ETHE1: variants seen among roughly 807,000 people sequenced by gnomAD.
The protein encoded by ETHE1 is ETHE1 persulfide dioxygenase, also known as persulfide dioxygenase ETHE1, mitochondrial.
In ETHE1, 16 loss-of-function variants were observed where a neutral mutation model predicts 25.7. That is an observed-to-expected ratio of 0.62 (90% confidence interval 0.42 to 0.95). The LOEUF (loss-of-function observed/expected upper bound fraction) is 0.95, where lower values mean the gene tolerates loss of function less well. Among genes scored for constraint, ETHE1 ranks in the 40% least tolerant of loss-of-function variants. The pLI is 0.00. For synonymous variants in ETHE1, 139 were observed against 135.9 expected (o/e 1.02, Z -0.16); for missense variants, 300 against 333.6 (o/e 0.90, Z 0.79).
intron 3 of ETHE1, among the ~76,000 whole-genome samples, chr19:43,518,996 C>CTTT (rs1600005859): frequency 3.7e-5 from 3 of 81,104 alleles, no homozygotes; most frequent in African/African-American, 4.9e-5. Context: ...GAAATTTGTG[C>CTTT]TTGTTTTTTT....
rs552655567 is a variant in ETHE1 at position 43,510,380 on chromosome 19, G to A, written c.505+1057C>T. Among the ~76,000 whole-genome samples, 19 of 144,206 alleles carry A rather than the reference G, an allele frequency of 1.3e-4. No individual in the cohort carries two copies. In the East Asian group the frequency reaches 3.4e-3, roughly 26 times the overall value. The allele number at this position is 144,206 out of a possible 152,430, so 94.6% of individuals were successfully genotyped here. ...AGATGAAGTCTCACTCTGTCACCCAGGCTGGAGTGCAGTGGCGCAATCTTG... is the reference window on the plus strand; with the variant it reads ...AGATGAAGTCTCACTCTGTCACCCAAGCTGGAGTGCAGTGGCGCAATCTTG... On this transcript the variant is annotated intron_variant, in intron 4 of 6. Transcript: ENST00000292147.
At chr19:43,510,639 T>G (rs1184213483) in intron 4 of ETHE1, among the ~76,000 whole-genome samples, 2 of 11,900 alleles carry the variant, frequency 1.7e-4, no homozygotes, top group Non-Finnish European at 2.8e-4. Flanking sequence ...AGCCCTTTGT[T>G]TTTTTTTTTT....
rs544640119 is a variant in ETHE1, at chr19:43,516,631, T to C, written c.376-5065A>G. Among the ~76,000 whole-genome samples the C allele has an allele frequency of 6.1e-4, 89 of 144,750 alleles. 2 individuals carry two copies. Among genetic ancestry groups the C allele is most frequent in the African/African-American group, 2.1e-3 (84 of 39,220 alleles). 95.0% of individuals were successfully genotyped at this position (144,750 alleles called of 152,430 possible). A position where few individuals can be genotyped will look rare whatever the true frequency, so the allele number is the denominator to read the frequency against. On this transcript the variant is annotated intron_variant, in intron 3 of 6. Transcript: ENST00000292147. Reference sequence around the variant, plus strand: ...TTTTTCTTTCTTTTTTTCTTTTTTTTTTTTTTTTTTGAGATAGAGTCTCTC... The same window carrying C: ...TTTTTCTTTCTTTTTTTCTTTTTTTCTTTTTTTTTTGAGATAGAGTCTCTC...
chr19:43,526,182 G>A lies in ETHE1; in HGVS notation c.375+19C>T, dbSNP rs751243822. On this transcript the variant is annotated intron_variant, in intron 3 of 6. Transcript: ENST00000292147. ...AAGTCCAGGCCACCACCCTCTTGGGGACCCAGCACCCAACTCACGAAGCGC... is the reference window on the plus strand; with the variant it reads ...AAGTCCAGGCCACCACCCTCTTGGGAACCCAGCACCCAACTCACGAAGCGC... 1 of 1,613,956 alleles carries A rather than the reference G, an allele frequency of 6.2e-7. No individual in the cohort carries two copies. Among genetic ancestry groups the A allele is most frequent in the Non-Finnish European group, 8.5e-7 (1 of 1,180,014 alleles).
chr19:43,526,067 C>T (rs1467414479), intron 3 of ETHE1, 134 bp downstream of exon 3: 1 of 1,378,652 alleles, frequency 7.3e-7, no homozygotes, highest in African/African-American at 1.4e-5. Context: ...GAAATATGAG[C>T]TCAGGGGTCA....
chr19:43,512,051 C>A lies in ETHE1; in HGVS notation c.376-485G>T, dbSNP rs527901314. ...TGCTGCCATGTAAGACAGGTCTTTGCTCCTCCTTCGCCTTCCACCATGATT... is the reference window on the plus strand; with the variant it reads ...TGCTGCCATGTAAGACAGGTCTTTGATCCTCCTTCGCCTTCCACCATGATT... On this transcript the variant is annotated intron_variant, in intron 3 of 6. Transcript: ENST00000292147. Among the ~76,000 whole-genome samples the A allele has an allele frequency of 2.0e-5, 3 of 152,302 alleles. No homozygotes were observed. In the East Asian group the frequency reaches 5.8e-4, roughly 29 times the overall value.
intron 3 of ETHE1, 77 bp downstream of exon 3, chr19:43,526,124 A>C (rs1012104238): frequency 6.9e-6 from 11 of 1,605,404 alleles, no homozygotes; most frequent in Non-Finnish European, 9.4e-6. Context: ...TCAGGATCCC[A>C]GGCCCCCAGT....
Position 43,526,259 on chromosome 19 carries a change from C to A in ETHE1, c.317G>T (p.Ser106Ile). 7 of 1,614,210 alleles carry A rather than the reference C, an allele frequency of 4.3e-6. No individual in the cohort carries two copies. Among genetic ancestry groups the A allele is most frequent in the Non-Finnish European group, 5.9e-6 (7 of 1,180,044 alleles). The stretch of plus-strand genomic sequence containing the variant: ...AATGTGTAAGTCAGCCTGGGCCCCA[C>A]TAAGGCGGGAGATGACAGACTGGCA... ...PGCQSVISRL[S>I]GAQADLHIED... is the part of the protein sequence containing the mutation. Residue 106 changes from serine to isoleucine, a missense_variant, in exon 3 of 7, where the codon AGT (serine) becomes ATT (isoleucine). By Grantham distance (142) the Ser-to-Ile change is moderately radical (BLOSUM62 -2). Transcript: ENST00000292147.
rs2146018873 is a variant in ETHE1 at position 43,526,267 on chromosome 19, G to A, written c.309C>T (p.Ser103=). 6.2e-7 allele frequency: 1 copy of A among 1,614,180 alleles called. No individual in the cohort carries two copies. The highest frequency in any genetic ancestry group is 8.5e-7 in the Non-Finnish European group (1 of 1,180,038). The change falls in exon 3 of 7, where the codon TCC becomes TCT. Residue 103 remains serine, a synonymous_variant. Coordinates refer to ENST00000292147, the MANE Select transcript of ETHE1 (RefSeq NM_014297.5). The part of the protein sequence containing the change: ...SLLPGCQSVI[S]RLSGAQADLH... Reference sequence around the variant, plus strand: ...AGTCAGCCTGGGCCCCACTAAGGCGGGAGATGACAGACTGGCAGCCAGGGA... The same window carrying A: ...AGTCAGCCTGGGCCCCACTAAGGCGAGAGATGACAGACTGGCAGCCAGGGA...
intron 3 of ETHE1, among the ~76,000 whole-genome samples, chr19:43,517,960 A>C (rs983288794): frequency 3.3e-5 from 5 of 151,650 alleles, no homozygotes; most frequent in Non-Finnish European, 7.4e-5. Flanking sequence ...AAAAAAAAAA[A>C]ACAAAAAACA....
At chr19:43,524,236 T>G (rs1220473040) in intron 3 of ETHE1, among the ~76,000 whole-genome samples, 1 of 151,588 alleles carries the variant, frequency 6.6e-6, no homozygotes, top group Non-Finnish European at 1.5e-5. Context: ...AACAAAAAAA[T>G]TTGCTGGGCT....
intron 5 of ETHE1, 67 bp from the exon 6 acceptor site, chr19:43,508,127 C>T (rs2145977654): frequency 1.3e-6 from 2 of 1,596,912 alleles, no homozygotes; most frequent in East Asian, 4.5e-5. Flanking sequence ...GAACTACATT[C>T]CCCAGGAGGC....
At chr19:43,507,274 A>G (rs539438861) in intron 6 of ETHE1, among the ~76,000 whole-genome samples, 6 of 18,214 alleles carry the variant, frequency 3.3e-4, no homozygotes, top group Non-Finnish European at 4.1e-4. Context: ...AGGAGTTCAG[A>G]CCCCCAGCCC....
intron 3 of ETHE1, among the ~76,000 whole-genome samples, chr19:43,512,806 G>C (rs984844086): frequency 3.2e-4 from 48 of 152,278 alleles, no homozygotes; most frequent in African/African-American, 1.1e-3. Context: ...TATAAGTAAC[G>C]AGGAGCCAAA....
Position 43,524,437 on chromosome 19 carries a change from G to C in ETHE1, c.375+1764C>G, listed in dbSNP as rs1291481576. Among the ~76,000 whole-genome samples the C allele has an allele frequency of 2.0e-5, 3 of 151,314 alleles. No individual in the cohort carries two copies. The East Asian group carries it at 5.8e-4, about 29-fold the overall frequency. On this transcript the variant is annotated intron_variant, in intron 3 of 6. Coordinates refer to ENST00000292147, the MANE Select transcript of ETHE1 (RefSeq NM_014297.5). ...TGCCTAAGGCTGAGGGGGGAAAAGGGAAGGATAGGGGTGATGGCTAAGGGG... is the reference window on the plus strand; with the variant it reads ...TGCCTAAGGCTGAGGGGGGAAAAGGCAAGGATAGGGGTGATGGCTAAGGGG...
At chr19:43,515,937 A>G (rs535616002) in intron 3 of ETHE1, among the ~76,000 whole-genome samples, 1 of 152,262 alleles carries the variant, frequency 6.6e-6, no homozygotes, top group African/African-American at 2.4e-5. Flanking sequence ...CGAATGGGTA[A>G]CATACTCCTA....
intron 5 of ETHE1, among the ~76,000 whole-genome samples, chr19:43,508,303 A>G (rs535196777): frequency 6.5e-4 from 98 of 150,722 alleles, no homozygotes; most frequent in Middle Eastern, 7.1e-3. Context: ...TGGCAGTCAC[A>G]TAGTTTCTAC....
intron 6 of ETHE1, among the ~76,000 whole-genome samples, chr19:43,507,319 C>T (rs1599979917): frequency 7.1e-5 from 8 of 113,392 alleles, no homozygotes; most frequent in African/African-American, 1.0e-4. Flanking sequence ...AGGCCCCCAG[C>T]CCCTCCTCCC....
chr19:43,525,988 G>A (rs1427568351), intron 3 of ETHE1: 1 of 640,924 alleles, frequency 1.6e-6, no homozygotes, highest in Non-Finnish European at 2.7e-6. Context: ...TAGGAGTTCC[G>A]CCAGTGCCCC....
Sources: gnomAD v4.1 joint callset for allele counts (sites outside exome capture counted in the v4.1 genomes callset) on GRCh38, gnomAD v4.1.1 for gene constraint, MANE v1.5 for transcripts, NCBI Gene and HGNC (gene_info 2026-07-23, HGNC 2026-07-21) for gene names.